The following FXYD5 variants were observed in gnomAD, a reference collection of about 807,000 sequenced individuals.
FXYD5 encodes the protein FXYD domain containing ion transport regulator 5.
Under a neutral mutation model 25.7 loss-of-function variants are expected in FXYD5, and 21 were observed. That is an observed-to-expected ratio of 0.82 (90% CI 0.58 to 1.18). FXYD5 has a LOEUF of 1.18. Ranked by LOEUF, FXYD5 falls within the 50% of genes most tolerant of loss-of-function variation. FXYD5 has a pLI of 0.00. For missense variants in FXYD5, 229 were observed against 227.7 expected, an observed-to-expected ratio of 1.01 and a Z score of -0.04; for synonymous variants, 101 against 90.7, an observed-to-expected ratio of 1.11 and a Z score of -0.64.
intron 2 of FXYD5, chr19:35,157,056 C>G (rs2065362308): frequency 4.5e-6 from 1 of 221,290 alleles, no homozygotes; most frequent in Non-Finnish European, 9.1e-6. Context: ...CAGTTATTAT[C>G]CCTGCTTTGC....
rs767649113 is a variant in FXYD5 at position 35,166,158 on chromosome 19, C to A, written c.399C>A (p.Asp133Glu). 1 of 1,613,994 alleles carries A rather than the reference C, an allele frequency of 6.2e-7. No individual in the cohort carries two copies. Among genetic ancestry groups the A allele is most frequent in the South Asian group, 1.1e-5 (1 of 91,072 alleles). ...TLKPSGFHED[D>E]PFFYDEHTLR... Reference sequence around the variant, plus strand: ...CCTCTCCAGGTTTTCATGAGGATGACCCCTTCTTCTATGGTAAGTTATCCA... The same window carrying A: ...CCTCTCCAGGTTTTCATGAGGATGAACCCTTCTTCTATGGTAAGTTATCCA... The change falls in exon 7 of 9, where the codon GAC becomes GAA. Residue 133 changes from aspartate to glutamate, a missense_variant. By Grantham distance (45) the Asp-to-Glu change is conservative. Coordinates refer to ENST00000392219, the MANE Select transcript of FXYD5 (RefSeq NM_014164.6).
intron 5 of FXYD5, 133 bp downstream of exon 5, chr19:35,160,934 G>A: frequency 1.6e-6 from 1 of 612,192 alleles, no homozygotes; most frequent in South Asian, 1.9e-5. Context: ...AATGTTTTTG[G>A]TTTGTGGTCA....
In FXYD5 at chr19:35,166,289, G is replaced by A. The variant is rs2065450551; in HGVS notation, c.451G>A (p.Ala151Thr). The change falls in exon 8 of 9, where the codon GCT (alanine) becomes ACT (threonine). Residue 151 changes from alanine (A) to threonine (T), a missense_variant. Ala to Thr is a moderately conservative substitution (Grantham distance 58). Coordinates refer to ENST00000392219, the MANE Select transcript of FXYD5 (RefSeq NM_014164.6). ...CCGGAAACGGGGGCTGTTGGTCGCAGCTGTGCTGTTCATCACAGGCATCAT... is the reference window on the plus strand; with the variant it reads ...CCGGAAACGGGGGCTGTTGGTCGCAACTGTGCTGTTCATCACAGGCATCAT... ...TLRKRGLLVA[A>T]VLFITGIIIL... 6.2e-7 allele frequency: 1 copy of A among 1,605,510 alleles called. No homozygotes were observed. Among genetic ancestry groups the A allele is most frequent in the African/African-American group, 1.3e-5 (1 of 74,818 alleles).
At chr19:35,155,791 A>G (rs973115585) in intron 2 of FXYD5, among the ~76,000 whole-genome samples, 180 bp downstream of exon 2, 2 of 152,064 alleles carry the variant, frequency 1.3e-5, no homozygotes, top group Non-Finnish European at 2.9e-5. Context: ...CTCTTTGGAC[A>G]CCTCAGACCC....
intron 2 of FXYD5, among the ~76,000 whole-genome samples, chr19:35,156,040 C>T (rs2065351983): frequency 6.6e-6 from 1 of 152,212 alleles, no homozygotes; most frequent in African/African-American, 2.4e-5. Flanking sequence ...AAAGTGTCTC[C>T]TGAAAGATGG....
At position 35,160,633 on chromosome 19, in the gene FXYD5, A is replaced by G. The variant is rs756887516; in HGVS notation, c.200-76A>G. 7.7e-5 allele frequency: 77 copies of G among 1,005,632 alleles called. 2 individuals are homozygous for G. Among genetic ancestry groups the G allele is most frequent in the Non-Finnish European group, 1.1e-4 (72 of 628,608 alleles). 62.3% of individuals were successfully genotyped at this position (1,005,632 alleles called of 1,614,324 possible). ...AGTGCTGGGAATACAGACATAAGCC[A>G]CCGCGCCCGGCCCCAATTCTCTTTC... On this transcript the variant is annotated intron_variant, in intron 4 of 8. Coordinates refer to ENST00000392219, the MANE Select transcript of FXYD5 (RefSeq NM_014164.6).
Position 35,169,612 on chromosome 19 carries a change from G to T in FXYD5, c.534G>T (p.Arg178Ser). The change falls in exon 9 of 9, where the codon AGG becomes AGT. Residue 178 changes from arginine to serine, a missense_variant. Transcript: ENST00000392219. ...QLSRLCRNRC[R>S] ...CCCGGTTATGCCGGAATCGTTGCAG[G>T]TGAGTCCATCAGAAACAGGAGCTGA... The T allele has an allele frequency of 1.2e-6, 2 of 1,606,806 alleles. No homozygotes were observed. Among genetic ancestry groups the T allele is most frequent in the Non-Finnish European group, 1.7e-6 (2 of 1,173,318 alleles).
intron 8 of FXYD5, among the ~76,000 whole-genome samples, chr19:35,169,365 T>C (rs556380626): frequency 6.6e-6 from 1 of 151,998 alleles, no homozygotes; most frequent in South Asian, 2.1e-4. Flanking sequence ...AAACGGCTCA[T>C]CTGTGAGCCT....
At chr19:35,157,182 TCA>T (rs2065363478) in intron 2 of FXYD5, among the ~76,000 whole-genome samples, 1 of 152,076 alleles carries the variant, frequency 6.6e-6, no homozygotes, top group African/African-American at 2.4e-5. Flanking sequence ...GCACCTGGGC[TCA>T]CTAGACTAAA....
chr19:35,158,289 C>T, intron 3 of FXYD5, 55 bp from the exon 4 acceptor site: 1 of 1,143,066 alleles, frequency 8.7e-7, no homozygotes, highest in Non-Finnish European at 1.3e-6. Context: ...TAGACCTTGC[C>T]CACTTCTTTT....
intron 5 of FXYD5, among the ~76,000 whole-genome samples, chr19:35,163,037 A>G (rs543176921): frequency 2.3e-4 from 35 of 152,344 alleles, no homozygotes; most frequent in African/African-American, 8.4e-4. Context: ...AGGAAAAGGA[A>G]CTGAGGCCCA....
At chr19:35,167,718 G>A (rs1432639731) in intron 8 of FXYD5, among the ~76,000 whole-genome samples, 3 of 152,074 alleles carry the variant, frequency 2.0e-5, no homozygotes, top group Admixed American at 6.6e-5. Context: ...AAGGGGAGAG[G>A]CAGAATTCTA....
chr19:35,158,328 T>A lies in FXYD5; in HGVS notation c.143-16T>A, dbSNP rs1307170966. ...CTCTCCTTTTCTCTCCGTGACTCCTTGTTTCTGGACTCCAGATGCAGTCTA... is the reference window on the plus strand; with the variant it reads ...CTCTCCTTTTCTCTCCGTGACTCCTAGTTTCTGGACTCCAGATGCAGTCTA... On this transcript the variant is annotated splice_polypyrimidine_tract_variant and intron_variant, in intron 3 of 8. Transcript: ENST00000392219. 1.3e-6 allele frequency: 2 copies of A among 1,584,846 alleles called. No homozygotes were observed. The highest frequency in any genetic ancestry group is 3.3e-5 in the Admixed American group (2 of 59,950).
chr19:35,168,641 C>T (rs1186329050), intron 8 of FXYD5, among the ~76,000 whole-genome samples: 1 of 152,156 alleles, frequency 6.6e-6, no homozygotes, highest in African/African-American at 2.4e-5. Context: ...CACTCTGGAG[C>T]AGCCACAGAT....
In FXYD5 at chr19:35,169,587, C is replaced by T. The variant is rs2065480316; in HGVS notation, c.509C>T (p.Ser170Phe). 1.2e-6 allele frequency: 2 copies of T among 1,611,450 alleles called. No homozygotes were observed. The highest frequency in any genetic ancestry group is 1.7e-5 in the Admixed American group (1 of 60,002). Residue 170 changes from serine (S) to phenylalanine (F), a missense_variant, in exon 9 of 9, where the codon TCC becomes TTC. Coordinates refer to ENST00000392219, the MANE Select transcript of FXYD5 (RefSeq NM_014164.6). ...ACAGGTGGCAAGTGCAGGCAGCTGT[C>T]CCGGTTATGCCGGAATCGTTGCAGG... The part of the protein sequence containing the change: ...ILTSGKCRQL[S>F]RLCRNRCR
intron 4 of FXYD5, 88 bp downstream of exon 4, chr19:35,158,488 C>T: frequency 2.5e-6 from 2 of 812,792 alleles, no homozygotes; most frequent in African/African-American, 1.7e-5. Flanking sequence ...CTTTGGTTGC[C>T]CATTTCAGTC....
intron 5 of FXYD5, among the ~76,000 whole-genome samples, chr19:35,161,030 C>T (rs1568413047): frequency 6.6e-6 from 1 of 152,138 alleles, no homozygotes; most frequent in Non-Finnish European, 1.5e-5. Flanking sequence ...TAATTTTCAG[C>T]AAAGGATCCC....
At chr19:35,160,472 G>A (rs116958458) in intron 4 of FXYD5, among the ~76,000 whole-genome samples, 4,830 of 152,148 alleles carry the variant, frequency 0.032, 97 homozygotes, top group East Asian at 0.069. Context: ...TCAGCCTCCC[G>A]AGTAGCTGAG....
rs138591692 is a variant in FXYD5 at position 35,159,775 on chromosome 19, TGTGA to T, written c.200-931_200-928del. On this transcript the variant is annotated intron_variant, in intron 4 of 8. Transcript: ENST00000392219. ...ATTTTACAGACAAGGAAACAGAGGC[TGTGA>T]GTAACTGGTTCAAGGTCTCACAACA... 1.6e-3 allele frequency: 1,743 copies of T among 1,109,906 alleles called. 17 individuals are homozygous for T. The African/African-American group carries it at 0.025, about 16-fold the overall frequency. The allele number at this position is 1,109,906 out of a possible 1,614,324, so 68.8% of individuals were successfully genotyped here.
Sources: gnomAD v4.1 joint callset for allele counts (sites outside exome capture counted in the v4.1 genomes callset) on GRCh38, gnomAD v4.1.1 for gene constraint, MANE v1.5 for transcripts, NCBI Gene and HGNC (gene_info 2026-07-23, HGNC 2026-07-21) for gene names.